Variants in SLC39A10 observed in about 807,000 individuals in gnomAD.
SLC39A10 encodes zinc transporter ZIP10.
In SLC39A10, 13 loss-of-function variants were observed where a neutral mutation model predicts 65.1. That is an observed-to-expected ratio of 0.20 (90% CI 0.13 to 0.32). SLC39A10 has a LOEUF of 0.32. Among genes scored for constraint, SLC39A10 ranks in the 10% least tolerant of loss-of-function variants. The pLI is 1.00. For missense variants in SLC39A10, 831 were observed against 1,018.4 expected (o/e 0.82, Z 2.50); for synonymous variants, 321 against 342.2 (o/e 0.94, Z 0.68).
chr2:195,718,220 A>C (rs763551698), intron 7 of SLC39A10, 32 bp from the exon 8 acceptor site: 21 of 1,570,014 alleles, frequency 1.3e-5, no homozygotes, highest in Middle Eastern at 1.7e-4. Flanking sequence ...AGATCAGCAA[A>C]CCTCACTTGT....
At chr2:195,721,809 C>T (rs1692056326) in intron 8 of SLC39A10, among the ~76,000 whole-genome samples, 1 of 152,304 alleles carries the variant, frequency 6.6e-6, no homozygotes, top group East Asian at 1.9e-4. Flanking sequence ...ACTTTCCTTC[C>T]TGTTCATCTA....
chr2:195,633,269 C>G (rs552064360), intron 2 of SLC39A10, among the ~76,000 whole-genome samples: 143 of 152,344 alleles, frequency 9.4e-4, no homozygotes, highest in African/African-American at 3.2e-3. Flanking sequence ...CAACTCAAAC[C>G]TGTTGCATTG....
At chr2:195,706,898 G>T in intron 4 of SLC39A10, 113 bp downstream of exon 4, 1 of 690,534 alleles carries the variant, frequency 1.4e-6, no homozygotes, top group Non-Finnish European at 2.0e-6. Flanking sequence ...TGTTTTATTT[G>T]CTTATAGGAT....
chr2:195,680,952 G>C lies in SLC39A10; in HGVS notation c.910G>C (p.Glu304Gln). Residue 304 changes from glutamate to glutamine, a missense_variant, in exon 2 of 10, where the codon GAA becomes CAA. Transcript: ENST00000359634. ...HQDLDPDNEGELRHTRKREAP... is the reference protein window; with the variant it reads ...HQDLDPDNEGQLRHTRKREAP... ...AGATCTTGATCCTGATAATGAAGGT[G>C]AACTTCGACATACTAGAAAGAGAGA... The C allele has an allele frequency of 6.2e-7, 1 of 1,614,022 alleles. No homozygotes were observed. Among genetic ancestry groups the C allele is most frequent in the East Asian group, 2.2e-5 (1 of 44,880 alleles).
chr2:195,648,572 G>A (rs866159648), intron 2 of SLC39A10, among the ~76,000 whole-genome samples: 74 of 152,146 alleles, frequency 4.9e-4, no homozygotes, highest in African/African-American at 1.7e-3. Flanking sequence ...CAGCTACTCA[G>A]GAGGCTGAGG....
chr2:195,653,485 G>A (rs931067817), upstream of SLC39A10, among the ~76,000 whole-genome samples: 19 of 152,050 alleles, frequency 1.2e-4, no homozygotes, highest in Non-Finnish European at 4.4e-5. Context: ...TAGTAGAGAT[G>A]GGATTTTGCC....
At chr2:195,671,781 A>G (rs1866452) in intron 1 of SLC39A10, 105,452 of 152,044 alleles carry the variant, frequency 0.69, 37,037 homozygotes, top group Non-Finnish European at 0.73. Context: ...CCCCTTGCCA[A>G]TGGAATGTGA....
rs1285725254 is a variant in SLC39A10 at position 195,680,448 on chromosome 2, A to C, written c.406A>C (p.Asn136His). The C allele has an allele frequency of 6.2e-7, 1 of 1,614,160 alleles. No homozygotes were observed. Among genetic ancestry groups the C allele is most frequent in the African/African-American group, 1.3e-5 (1 of 75,048 alleles). ...HNHQHSHNHLNSENQTVTSVS... is the reference protein window; with the variant it reads ...HNHQHSHNHLHSENQTVTSVS... ...CCACCAGCATTCCCATAATCATTTA[A>C]ATTCAGAAAATCAAACTGTGACCAG... Residue 136 changes from asparagine to histidine, a missense_variant, in exon 2 of 10, where the codon AAT (asparagine) becomes CAT (histidine). Transcript: ENST00000359634.
chr2:195,692,040 G>A (rs1690762865), intron 3 of SLC39A10, among the ~76,000 whole-genome samples: 1 of 152,140 alleles, frequency 6.6e-6, no homozygotes, highest in Non-Finnish European at 1.5e-5. Flanking sequence ...GGTGAGAGCT[G>A]AGGATCCAGT....
chr2:195,674,675 T>C, intron 1 of SLC39A10: 5 of 979,814 alleles, frequency 5.1e-6, no homozygotes, highest in Non-Finnish European at 4.8e-6. Flanking sequence ...CATTGCTTAA[T>C]GCTGAGTATG....
chr2:195,715,881 A>T (rs1269264379), intron 6 of SLC39A10, among the ~76,000 whole-genome samples: 1 of 152,252 alleles, frequency 6.6e-6, no homozygotes, highest in East Asian at 1.9e-4. Context: ...AAAACAGTTT[A>T]ACTGGGGTGG....
rs537527095 is a variant in SLC39A10 at position 195,737,041 on chromosome 2, C to CTGAT, written c.*2006_*2009dup. The stretch of plus-strand genomic sequence containing the variant: ...ATACTCCCAGTTTTAAAATAAATGC[C>CTGAT]TGATTGATTTAAAGCAAGTAGGTTA... On this transcript the variant is annotated 3_prime_UTR_variant, in exon 10 of 10. Coordinates refer to ENST00000359634, the MANE Select transcript of SLC39A10 (RefSeq NM_020342.3). 2.6e-3 allele frequency: 347 copies of CTGAT among 135,992 alleles called. 2 individuals are homozygous for CTGAT. The highest frequency in any genetic ancestry group is 4.7e-3 in the Admixed American group (64 of 13,632). 8.4% of individuals were successfully genotyped at this position (135,992 alleles called of 1,614,324 possible).
chr2:195,714,037 C>T (rs900660910), intron 6 of SLC39A10, among the ~76,000 whole-genome samples: 1 of 152,106 alleles, frequency 6.6e-6, no homozygotes, highest in Non-Finnish European at 1.5e-5. Flanking sequence ...TGCCATTCTC[C>T]TGCCTCAGCC....
At chr2:195,694,576 C>T (rs1000814072) in intron 3 of SLC39A10, among the ~76,000 whole-genome samples, 1 of 152,194 alleles carries the variant, frequency 6.6e-6, no homozygotes, top group African/African-American at 2.4e-5. Flanking sequence ...TAGGGAGTGT[C>T]TGCAGAGAGA....
rs1175119790 is a variant in SLC39A10, at chr2:195,644,048, A to G, written c.-11-35984A>G. 2.0e-5 allele frequency among the ~76,000 whole-genome samples: 3 copies of G among 152,262 alleles called. No individual in the cohort carries two copies. In the East Asian group the frequency reaches 5.8e-4, roughly 29 times the overall value. On this transcript the variant is annotated intron_variant, in intron 2 of 2. Coordinates refer to the SLC39A10 transcript ENST00000458054. The stretch of plus-strand genomic sequence containing the variant: ...TTTCAACATGAATGTGGAGTGCTAC[A>G]AAGTATCAAAACAAATAAAAGGAGA...
chr2:195,625,401 G>A (rs1688451359), intron 2 of SLC39A10, among the ~76,000 whole-genome samples: 2 of 150,748 alleles, frequency 1.3e-5, no homozygotes, highest in African/African-American at 4.9e-5. Flanking sequence ...TCAGTCTCCC[G>A]AGTAGCTGGA....
chr2:195,656,679 G>C (rs751953856), upstream of SLC39A10: 1 of 152,216 alleles, frequency 6.6e-6, no homozygotes, highest in African/African-American at 2.4e-5. Context: ...GACTGAAAAG[G>C]TTACTTTAAC....
intron 3 of SLC39A10, among the ~76,000 whole-genome samples, chr2:195,685,741 A>G (rs961808248): frequency 6.6e-5 from 10 of 152,036 alleles, no homozygotes; most frequent in South Asian, 2.1e-4. Flanking sequence ...CCCTCATAGT[A>G]TAGATCTTGG....
chr2:195,708,658 T>C lies in SLC39A10; in HGVS notation c.1389T>C (p.Ser463=). 2 of 1,577,892 alleles carry C rather than the reference T, an allele frequency of 1.3e-6. No homozygotes were observed. Among genetic ancestry groups the C allele is most frequent in the Non-Finnish European group, 1.7e-6 (2 of 1,165,770 alleles). The change falls in exon 5 of 10, where the codon TCT becomes TCC. Residue 463 remains serine (S), a splice_region_variant and synonymous_variant. Coordinates refer to ENST00000359634, the MANE Select transcript of SLC39A10 (RefSeq NM_020342.3). ...GDALLHLLPH[S]QGGHDHSHQH... is the part of the protein sequence containing the mutation. ...GTTTTATTTGTTCTTATTAATAGTC[T>C]CAGGGTGGACATGATCACAGTCACC...
Sources: allele counts gnomAD v4.1 joint callset (sites outside exome capture counted in the v4.1 genomes callset), GRCh38; gene constraint gnomAD v4.1.1; transcripts MANE v1.5; gene names NCBI Gene and HGNC (gene_info 2026-07-23, HGNC 2026-07-21).